FMN2: variants seen among roughly 807,000 people sequenced by gnomAD.
FMN2 encodes formin 2, also known as formin-2.
FMN2 carries 51 observed loss-of-function variants against 142.3 expected under a neutral mutation model. The observed-to-expected ratio is 0.36, with a 90% confidence interval of 0.29 to 0.45. The LOEUF (loss-of-function observed/expected upper bound fraction) is 0.45. Ranked by LOEUF, FMN2 falls within the 20% of genes least tolerant of loss-of-function variation. The pLI, the probability that FMN2 is intolerant of heterozygous loss-of-function variation, is 1.00. For synonymous variants in FMN2, 882 were observed against 869.8 expected (o/e 1.01, Z -0.25); for missense variants, 1,936 against 2,122.8 (o/e 0.91, Z 1.73).
intron 15 of FMN2, among the ~76,000 whole-genome samples, chr1:240,422,619 T>C (rs1674811253): frequency 6.6e-6 from 1 of 152,238 alleles, no homozygotes; most frequent in Non-Finnish European, 1.5e-5. Flanking sequence ...GCTATATTTG[T>C]GTATTAGCTC....
intron 6 of FMN2, among the ~76,000 whole-genome samples, chr1:240,232,356 C>G (rs1667557235): frequency 6.6e-6 from 1 of 150,850 alleles, no homozygotes; most frequent in Admixed American, 6.6e-5. Context: ...TCCCAAAGTG[C>G]TGGCATTACA....
In FMN2 at chr1:240,402,104, T is replaced by C. The variant is rs200522520; in HGVS notation, c.4910+9542T>C. Among the ~76,000 whole-genome samples, 45 of 152,352 alleles carry C rather than the reference T, an allele frequency of 3.0e-4. No homozygotes were observed. In the East Asian group the frequency reaches 3.3e-3, roughly 11 times the overall value. ...CATTATCAGCTTGCTTTGAAAGGAATTATACTCATTTGTCTTTACATTCTA... is the reference window on the plus strand; with the variant it reads ...CATTATCAGCTTGCTTTGAAAGGAACTATACTCATTTGTCTTTACATTCTA... On this transcript the variant is annotated intron_variant, in intron 15 of 17. Coordinates refer to ENST00000319653, the MANE Select transcript of FMN2 (RefSeq NM_020066.5).
chr1:240,405,697 G>A (rs180867468), intron 15 of FMN2, among the ~76,000 whole-genome samples: 1 of 151,908 alleles, frequency 6.6e-6, no homozygotes, highest in African/African-American at 2.4e-5. Context: ...GAGAAAATAC[G>A]CTTCAAGCAC....
chr1:240,277,167 A>C (rs1436770512), intron 7 of FMN2, among the ~76,000 whole-genome samples: 1 of 152,212 alleles, frequency 6.6e-6, no homozygotes, highest in African/African-American at 2.4e-5. Context: ...ATGTAAACAG[A>C]AAATTCAATT....
chr1:240,165,077 A>G (rs1664426415), intron 2 of FMN2, among the ~76,000 whole-genome samples: 2 of 152,196 alleles, frequency 1.3e-5, no homozygotes, highest in African/African-American at 4.8e-5. Context: ...CTTCTAATCT[A>G]CCATTAAGTA....
chr1:240,170,277 A>G, intron 2 of FMN2: 1 of 1,149,208 alleles, frequency 8.7e-7, no homozygotes, highest in Non-Finnish European at 1.3e-6. Flanking sequence ...GTGAAGTTTG[A>G]ATCAAGATCA....
chr1:240,187,186 C>T (rs1053563876), intron 3 of FMN2, among the ~76,000 whole-genome samples: 2 of 145,804 alleles, frequency 1.4e-5, no homozygotes, highest in East Asian at 4.2e-4. Flanking sequence ...AGGAGAATCG[C>T]TTGAACCCAG....
chr1:240,283,006 TG>T (rs1235878554), intron 7 of FMN2, among the ~76,000 whole-genome samples: 4 of 152,196 alleles, frequency 2.6e-5, no homozygotes, highest in African/African-American at 9.6e-5. Flanking sequence ...AAAACAATGC[TG>T]GGTGTGACTC....
intron 14 of FMN2, among the ~76,000 whole-genome samples, chr1:240,364,352 TA>T (rs1246000016): frequency 2.0e-5 from 3 of 152,096 alleles, no homozygotes; most frequent in African/African-American, 7.2e-5. Flanking sequence ...GATAATCAAT[TA>T]AACTCAAAAG....
At chr1:240,437,879 G>C (rs558121822) in intron 15 of FMN2, among the ~76,000 whole-genome samples, 182 bp from the exon 16 acceptor site, 20 of 152,308 alleles carry the variant, frequency 1.3e-4, no homozygotes, top group Non-Finnish European at 2.4e-4. Context: ...AGTTGCTGCT[G>C]TCTGTATCCA....
At chr1:240,250,211 G>A (rs2102883793) in intron 6 of FMN2, among the ~76,000 whole-genome samples, 1 of 152,214 alleles carries the variant, frequency 6.6e-6, no homozygotes, top group South Asian at 2.1e-4. Flanking sequence ...CATTCAGTAT[G>A]ATGTTAGCTG....
intron 15 of FMN2, among the ~76,000 whole-genome samples, chr1:240,428,390 G>A (rs1339056923): frequency 1.3e-5 from 2 of 151,680 alleles, no homozygotes; most frequent in Middle Eastern, 3.2e-3. Flanking sequence ...ACCACACCTG[G>A]CAAATTTTGT....
At chr1:240,126,155 A>AT (rs749436244) in intron 2 of FMN2, among the ~76,000 whole-genome samples, 3 of 152,188 alleles carry the variant, frequency 2.0e-5, no homozygotes, top group Non-Finnish European at 4.4e-5. Flanking sequence ...ATAATGATAC[A>AT]GGGGGTTCTG....
intron 2 of FMN2, chr1:240,171,017 A>C (rs1240879619): frequency 1.1e-6 from 1 of 888,120 alleles, no homozygotes; most frequent in African/African-American, 1.6e-5. Context: ...GAGGCATGTC[A>C]GCAGGGCTGG....
chr1:240,225,127 CA>C (rs1667252948), intron 6 of FMN2, among the ~76,000 whole-genome samples: 1 of 152,170 alleles, frequency 6.6e-6, no homozygotes, highest in African/African-American at 2.4e-5. Context: ...TATTCTGACA[CA>C]GGGGCAATTC....
intron 6 of FMN2, among the ~76,000 whole-genome samples, chr1:240,245,848 C>A (rs1668062092): frequency 6.6e-6 from 1 of 152,132 alleles, no homozygotes; most frequent in African/African-American, 2.4e-5. Context: ...TGGCTCACTT[C>A]CATAATTCTG....
At chr1:240,300,863 A>G (rs1670173652) in intron 8 of FMN2, among the ~76,000 whole-genome samples, 1 of 147,192 alleles carries the variant, frequency 6.8e-6, no homozygotes. Flanking sequence ...ATATTTAAAT[A>G]GCTATTCTAT....
chr1:240,093,836 A>G, intron 1 of FMN2, 112 bp downstream of exon 1: 1 of 673,754 alleles, frequency 1.5e-6, no homozygotes, highest in Non-Finnish European at 2.1e-6. Context: ...GTAGTGGCAC[A>G]TCTCTTCTCC....
chr1:240,437,982 G>A, intron 15 of FMN2, 79 bp from the exon 16 acceptor site: 4 of 1,502,640 alleles, frequency 2.7e-6, no homozygotes, highest in South Asian at 1.3e-5. Context: ...AATAAAATCA[G>A]CATTTGGATA....
Sources: allele counts gnomAD v4.1 joint callset (sites outside exome capture counted in the v4.1 genomes callset), GRCh38; gene constraint gnomAD v4.1.1; transcripts MANE v1.5; gene names NCBI Gene and HGNC (gene_info 2026-07-23, HGNC 2026-07-21).